The following EPS8 variants were observed in gnomAD, a reference collection of about 807,000 sequenced individuals.
EPS8 encodes the protein EGFR pathway substrate 8, signaling adaptor.
EPS8 carries 42 observed loss-of-function variants against 103.8 expected under a neutral mutation model. That is an observed-to-expected ratio of 0.40 (90% CI 0.32 to 0.52). The LOEUF is 0.52. Ranked by LOEUF, EPS8 falls within the 20% of genes least tolerant of loss-of-function variation. The probability of loss-of-function intolerance (pLI) is 0.40; values close to 1 mark genes in which losing one functional copy is unlikely to be tolerated. For synonymous variants in EPS8, 344 were observed against 344.6 expected (o/e 1.00, Z 0.02); for missense variants, 969 against 1,005.1 (o/e 0.96, Z 0.49).
At chr12:15,660,822 G>A in intron 9 of EPS8, 82 bp from the exon 10 acceptor site, 1 of 813,792 alleles carries the variant, frequency 1.2e-6, no homozygotes, top group Non-Finnish European at 1.9e-6. Context: ...TAATAGAAAG[G>A]TTTTTTTAGA....
At chr12:15,632,444 C>A (rs536312648) in intron 17 of EPS8, among the ~76,000 whole-genome samples, 1 of 152,290 alleles carries the variant, frequency 6.6e-6, no homozygotes, top group African/African-American at 2.4e-5. Context: ...ATAGTTAACA[C>A]TTTAAATCTA....
intron 1 of EPS8, among the ~76,000 whole-genome samples, chr12:15,720,048 G>A (rs1471393039): frequency 6.6e-6 from 1 of 152,146 alleles, no homozygotes; most frequent in African/African-American, 2.4e-5. Context: ...TCAGGTTCAT[G>A]TACAAAACAG....
At position 15,777,693 on chromosome 12, in the gene EPS8, A is replaced by G. The variant is rs1947220918; in HGVS notation, c.-22+11468T>C. 6.6e-6 allele frequency among the ~76,000 whole-genome samples: 1 copy of G among 152,310 alleles called. No homozygotes were observed. The highest frequency in any genetic ancestry group is 2.1e-4 in the South Asian group (1 of 4,826). ...AAGCTATCAAAGTTATGAAAAATAT[A>G]CTTTTCTATTAAAGCCATCTGAGGA... On this transcript the variant is annotated intron_variant, in intron 1 of 20. Coordinates refer to ENST00000281172, the MANE Select transcript of EPS8 (RefSeq NM_004447.6). This position sits in a 1 kb window ranked among gnomAD's most constrained non-coding sequence, Gnocchi z 4.7.
rs766911932 is a variant in EPS8, at chr12:15,669,371, T to G, written c.516+16A>C. 18 of 1,587,228 alleles carry G rather than the reference T, an allele frequency of 1.1e-5. No homozygotes were observed. The Middle Eastern group carries it at 1.7e-3, about 149-fold the overall frequency. On this transcript the variant is annotated intron_variant, in intron 6 of 20. Coordinates refer to ENST00000281172, the MANE Select transcript of EPS8 (RefSeq NM_004447.6). ...ATCTGCTTAAAGAAGAAACAAAAAT[T>G]TCACCATTCTTTTACCTTAACCTCA... is the stretch of plus-strand genomic sequence containing the variant.
intron 17 of EPS8, among the ~76,000 whole-genome samples, chr12:15,636,151 T>G (rs990437960): frequency 6.6e-6 from 1 of 151,976 alleles, no homozygotes; most frequent in Non-Finnish European, 1.5e-5. Context: ...AAAATAAAGA[T>G]CAGGAAACTT....
At chr12:15,770,114 T>A (rs1947137797) in intron 1 of EPS8, among the ~76,000 whole-genome samples, 1 of 151,722 alleles carries the variant, frequency 6.6e-6, no homozygotes, top group Non-Finnish European at 1.5e-5. Flanking sequence ...AATTTCTGTA[T>A]TTTTTGTAGA....
intron 9 of EPS8, 40 bp from the exon 10 acceptor site, chr12:15,660,780 T>G (rs1945592398): frequency 8.2e-7 from 1 of 1,221,364 alleles, no homozygotes; most frequent in East Asian, 2.4e-5. Context: ...AAAACAAAAC[T>G]ATTTTTACCT....
At chr12:15,640,590 T>C in intron 17 of EPS8, 113 bp downstream of exon 17, 1 of 904,652 alleles carries the variant, frequency 1.1e-6, no homozygotes, top group South Asian at 2.4e-5. Context: ...AGAAAAAATA[T>C]ATAACCAACT....
At chr12:15,626,065 T>A (rs943397130) in intron 18 of EPS8, among the ~76,000 whole-genome samples, 1 of 152,178 alleles carries the variant, frequency 6.6e-6, no homozygotes, top group Admixed American at 6.5e-5. Context: ...TTTTTAGACT[T>A]CTCAACTCAC....
chr12:15,654,468 G>C (rs1945472983), intron 12 of EPS8, 175 bp from the exon 13 acceptor site: 6 of 631,204 alleles, frequency 9.5e-6, no homozygotes, highest in Non-Finnish European at 1.7e-5. Flanking sequence ...AACTTGCCCA[G>C]CCCAGCAGTG....
At chr12:15,666,341 A>G in intron 7 of EPS8, 99 bp downstream of exon 7, 1 of 858,616 alleles carries the variant, frequency 1.2e-6, no homozygotes, top group Non-Finnish European at 1.9e-6. Flanking sequence ...ATACAATACA[A>G]TAATATACTT....
chr12:15,664,776 G>C (rs1052926178), intron 8 of EPS8, among the ~76,000 whole-genome samples: 5 of 152,244 alleles, frequency 3.3e-5, no homozygotes, highest in South Asian at 2.1e-4. Flanking sequence ...AAAGAATGAG[G>C]CTCTAGAGTT....
At chr12:15,739,427 C>T (rs1024464161) in intron 1 of EPS8, among the ~76,000 whole-genome samples, 5 of 151,322 alleles carry the variant, frequency 3.3e-5, no homozygotes, top group African/African-American at 2.4e-5. Flanking sequence ...GCGTGTGAGT[C>T]GGTGGCCTGG....
intron 18 of EPS8, among the ~76,000 whole-genome samples, chr12:15,627,100 A>G (rs1386254015): frequency 6.6e-6 from 1 of 152,038 alleles, no homozygotes; most frequent in Non-Finnish European, 1.5e-5. Flanking sequence ...CCTGGGTTCA[A>G]GCGATTCTCC....
intron 1 of EPS8, among the ~76,000 whole-genome samples, chr12:15,788,898 C>T (rs1947338471): frequency 6.6e-6 from 1 of 152,170 alleles, no homozygotes; most frequent in African/African-American, 2.4e-5. Context: ...CACGGCGAAC[C>T]CTCCCTGCCC....
intron 1 of EPS8, among the ~76,000 whole-genome samples, chr12:15,775,101 T>A (rs1201004203): frequency 6.6e-6 from 1 of 151,894 alleles, no homozygotes; most frequent in East Asian, 1.9e-4. Flanking sequence ...AAAGAAGGAG[T>A]CCACATTTTC....
rs758870837 is a variant in EPS8, at chr12:15,697,559, A to G, written c.-21-14587T>C. Among the ~76,000 whole-genome samples, 33 of 152,342 alleles carry G rather than the reference A, an allele frequency of 2.2e-4. No individual in the cohort carries two copies. Among genetic ancestry groups the G allele is most frequent in the Non-Finnish European group, 2.8e-4 (19 of 68,030 alleles). ...AGGTACAGAGTTTAATAACATGTTC[A>G]CTGTCAAAGAGGTAATTAATAGTAG... On this transcript the variant is annotated intron_variant, in intron 1 of 20. Transcript: ENST00000281172. This position sits in a 1 kb window ranked among gnomAD's most constrained non-coding sequence, Gnocchi z 5.6.
rs780059686 is a variant in EPS8 at position 15,771,362 on chromosome 12, C to A, written c.-22+17799G>T. On this transcript the variant is annotated intron_variant, in intron 1 of 20. Transcript: ENST00000281172. The surrounding 1 kb of genome is among the most constrained non-coding windows in gnomAD (Gnocchi z 4.6). ...GGTTGTGAAAAGCCTGAAAAGGAAA[C>A]CTTTGTTAGCAGTTTTTAAAGCAAT... is the stretch of plus-strand genomic sequence containing the variant. Among the ~76,000 whole-genome samples, 20 of 152,100 alleles carry A rather than the reference C, an allele frequency of 1.3e-4. No individual in the cohort carries two copies. The highest frequency in any genetic ancestry group is 2.1e-4 in the Non-Finnish European group (14 of 68,028).
intron 12 of EPS8, 192 bp from the exon 13 acceptor site, chr12:15,654,485 A>T (rs1229238732): frequency 3.3e-6 from 2 of 598,330 alleles, no homozygotes; most frequent in Admixed American, 6.1e-5. Context: ...AGTGCTTTAA[A>T]ACCTAAATGA....
Sources: allele counts gnomAD v4.1 joint callset (sites outside exome capture counted in the v4.1 genomes callset), GRCh38; gene constraint gnomAD v4.1.1; non-coding constraint Gnocchi (gnomAD v3.1); transcripts MANE v1.5; gene names NCBI Gene and HGNC (gene_info 2026-07-23, HGNC 2026-07-21).